Variants in OR7E24 observed in about 807,000 individuals in gnomAD.
OR7E24 encodes olfactory receptor family 7 subfamily E member 24, also known as olfactory receptor 7E24.
For missense variants in OR7E24, 385 were observed against 410.3 expected (o/e 0.94, Z 0.53); for synonymous variants, 130 against 157.5 (o/e 0.83, Z 1.31).
chr19:9,235,201 G>C, the OR7E24 span: 1 of 1,495,214 alleles, frequency 6.7e-7, no homozygotes, highest in Non-Finnish European at 9.3e-7. Flanking sequence ...ACTCTCAGAT[G>C]ATCCTGAACT....
In OR7E24 at chr19:9,252,029, C is replaced by A. The variant is rs1261877706; in HGVS notation, c.986C>A (p.Ser329Tyr). ...AGGCTGCATGGCAGAATCATCAAAT[C>A]TCATCATCTCCATCCTTTTTGTTAT... ...LCRLHGRIIK[S>Y]HHLHPFCYMG Residue 329 changes from serine to tyrosine, a missense_variant, in exon 1 of 1, where the codon TCT becomes TAT. Coordinates refer to ENST00000456448, the MANE Select transcript of OR7E24 (RefSeq NM_001079935.2). 2 of 1,614,108 alleles carry A rather than the reference C, an allele frequency of 1.2e-6. No individual in the cohort carries two copies. The highest frequency in any genetic ancestry group is 1.7e-6 in the Non-Finnish European group (2 of 1,180,002).
chr19:9,217,303 A>G, the OR7E24 span, among the ~76,000 whole-genome samples: 2,532 of 152,332 alleles, frequency 0.017, 66 homozygotes, highest in African/African-American at 0.057. Context: ...AAAATTTAAA[A>G]ATTTCTATAA....
At chr19:9,233,937 T>C in the OR7E24 span, among the ~76,000 whole-genome samples, 2 of 146,674 alleles carry the variant, frequency 1.4e-5, no homozygotes, top group South Asian at 4.3e-4. Context: ...AGAGTCTCAC[T>C]CTGTCACCCA....
the OR7E24 span, among the ~76,000 whole-genome samples, chr19:9,223,235 C>T: frequency 4.6e-5 from 7 of 152,302 alleles, no homozygotes; most frequent in Non-Finnish European, 8.8e-5. Flanking sequence ...TCTGGGTGTT[C>T]TGCTATTGTC....
intron 1 of OR7E24, chr19:9,251,075 TCC>T: frequency 1.9e-6 from 3 of 1,598,340 alleles, no homozygotes; most frequent in Admixed American, 1.8e-5. Context: ...TTTTTTTTTT[TCC>T]TCAAAAGGTG....
At chr19:9,212,112 G>A in the OR7E24 span, 2 of 152,088 alleles carry the variant, frequency 1.3e-5, no homozygotes, top group African/African-American at 2.4e-5. Flanking sequence ...TAGATGAAAC[G>A]TTTTGATACA....
the OR7E24 span, among the ~76,000 whole-genome samples, chr19:9,238,131 AGGCATGGT>A: frequency 6.6e-6 from 1 of 152,118 alleles, no homozygotes; most frequent in Non-Finnish European, 1.5e-5. Flanking sequence ...AAAATTAACC[AGGCATGGT>A]GGCATACGCC....
At chr19:9,230,902 G>A in the OR7E24 span, among the ~76,000 whole-genome samples, 5 of 152,040 alleles carry the variant, frequency 3.3e-5, no homozygotes, top group African/African-American at 1.2e-4. Flanking sequence ...GAGGAATGCT[G>A]TAGTGTTTAT....
At chr19:9,220,996 C>T in the OR7E24 span, among the ~76,000 whole-genome samples, 103 of 152,172 alleles carry the variant, frequency 6.8e-4, no homozygotes, top group Non-Finnish European at 1.3e-3. Context: ...TATGTTGGGC[C>T]GGGCGCAGTG....
the OR7E24 span, chr19:9,236,194 CA>C: frequency 1.5e-6 from 1 of 650,406 alleles, no homozygotes; most frequent in South Asian, 1.9e-5. Context: ...TTCCTATTTT[CA>C]AAGCACCTAC....
the OR7E24 span, among the ~76,000 whole-genome samples, chr19:9,217,037 C>T: frequency 2.0e-5 from 3 of 152,192 alleles, no homozygotes; most frequent in East Asian, 1.9e-4. Flanking sequence ...TTGTGACCAC[C>T]ACACAGGACT....
At chr19:9,235,871 C>T in the OR7E24 span, 1 of 1,606,398 alleles carries the variant, frequency 6.2e-7, no homozygotes, top group Non-Finnish European at 8.5e-7. Context: ...ACCTGTGGAT[C>T]TCACCTCTGT....
At position 9,251,615 on chromosome 19, in the gene OR7E24, A is replaced by C. The variant is rs374791127; in HGVS notation, c.572A>C (p.Asp191Ala). ...MLQLTCFKDV[D>A]ISNFFCDPSQ... ...CAGCTCACCTGCTTCAAGGATGTGG[A>C]CATTTCTAATTTCTTCTGTGACCCT... The change falls in exon 1 of 1, where the codon GAC becomes GCC. Residue 191 changes from aspartate to alanine, a missense_variant. Asp to Ala is a moderately radical substitution (Grantham distance 126, BLOSUM62 -2). Transcript: ENST00000456448. The C allele has an allele frequency of 1.5e-5, 25 of 1,613,238 alleles. No homozygotes were observed. Among genetic ancestry groups the C allele is most frequent in the Middle Eastern group, 3.3e-4 (2 of 6,082 alleles).
chr19:9,230,565 C>T, the OR7E24 span, among the ~76,000 whole-genome samples: 2 of 152,150 alleles, frequency 1.3e-5, no homozygotes, highest in South Asian at 4.1e-4. Context: ...ATCCAATCAC[C>T]TCTTCCTGAA....
chr19:9,211,100 C>CTGTTG, the OR7E24 span: 1 of 152,276 alleles, frequency 6.6e-6, no homozygotes, highest in African/African-American at 2.4e-5. Flanking sequence ...ATAGGCCTGG[C>CTGTTG]CTCTGTTGCT....
At chr19:9,235,215 G>GC in the OR7E24 span, 1 of 1,512,136 alleles carries the variant, frequency 6.6e-7, no homozygotes, top group Non-Finnish European at 9.2e-7. Flanking sequence ...CTGAACTGCA[G>GC]CCCGTCCTCT....
At chr19:9,236,191 T>G in the OR7E24 span, 1 of 658,808 alleles carries the variant, frequency 1.5e-6, no homozygotes, top group South Asian at 1.9e-5. Context: ...AGTTTCCTAT[T>G]TTCAAAGCAC....
the OR7E24 span, among the ~76,000 whole-genome samples, chr19:9,215,218 C>T: frequency 1.3e-5 from 2 of 151,998 alleles, no homozygotes; most frequent in Non-Finnish European, 2.9e-5. Flanking sequence ...TGGAGTGCAC[C>T]TGTAATCCCA....
the OR7E24 span, among the ~76,000 whole-genome samples, chr19:9,220,822 C>A: frequency 1.3e-5 from 2 of 152,194 alleles, no homozygotes; most frequent in African/African-American, 2.4e-5. Context: ...ATTTACATTC[C>A]TACCAACAGT....
Sources: allele counts gnomAD v4.1 joint callset (sites outside exome capture counted in the v4.1 genomes callset), GRCh38; gene constraint gnomAD v4.1.1; transcripts MANE v1.5; gene names NCBI Gene and HGNC (gene_info 2026-07-23, HGNC 2026-07-21).